The following CELF2 variants were observed in gnomAD, a reference collection of about 807,000 sequenced individuals.
CELF2 encodes the protein CUG triplet repeat RNA-binding protein 2.
CELF2 carries 8 observed loss-of-function variants against 62.6 expected under a neutral mutation model. The observed-to-expected ratio is 0.13, with a 90% CI of 0.07 to 0.23. CELF2 has a LOEUF of 0.23. Among genes scored for constraint, CELF2 ranks in the 10% least tolerant of loss-of-function variants. The probability of loss-of-function intolerance (pLI) is 1.00; values close to 1 mark genes in which losing one functional copy is unlikely to be tolerated. For missense variants in CELF2, 333 were observed against 671.0 expected (o/e 0.50, Z 5.56); for synonymous variants, 258 against 250.0 (o/e 1.03, Z -0.30).
chr10:10,759,371 G>A, the CELF2 span, among the ~76,000 whole-genome samples: 24 of 143,290 alleles, frequency 1.7e-4, no homozygotes, highest in South Asian at 3.3e-3. Context: ...GCACAGTGGC[G>A]TGATCTTGGC....
At chr10:10,782,528 C>T in the CELF2 span, among the ~76,000 whole-genome samples, 35 of 152,290 alleles carry the variant, frequency 2.3e-4, no homozygotes, top group African/African-American at 7.9e-4. Flanking sequence ...TCTGGAAACA[C>T]CCTCACAAAT....
At chr10:10,714,036 A>G in the CELF2 span, among the ~76,000 whole-genome samples, 3 of 152,174 alleles carry the variant, frequency 2.0e-5, no homozygotes, top group East Asian at 5.8e-4. Flanking sequence ...ATCCATCTCA[A>G]AAAAAGAAAA....
At chr10:10,662,757 A>G in the CELF2 span, among the ~76,000 whole-genome samples, 1 of 152,218 alleles carries the variant, frequency 6.6e-6, no homozygotes, top group Admixed American at 6.5e-5. Context: ...GAGCCTTGGA[A>G]TCTACCAGAT....
chr10:11,022,696 AAGAC>A (rs781090808), intron 1 of CELF2, among the ~76,000 whole-genome samples: 8 of 152,228 alleles, frequency 5.3e-5, no homozygotes, highest in South Asian at 2.1e-4. Flanking sequence ...TTAGCATAAA[AAGAC>A]AGGTTACGTT....
chr10:10,936,805 T>A lies in CELF2; in HGVS notation c.89+16806T>A, dbSNP rs1592143945. The A allele has an allele frequency of 6.6e-6, 1 of 152,214 alleles. No homozygotes were observed. The allele number at this position is 152,214 out of a possible 1,614,324, so 9.4% of individuals were successfully genotyped here. On this transcript the variant is annotated intron_variant, in intron 2 of 13. Transcript: ENST00000636488. The surrounding 1 kb of genome is among the most constrained non-coding windows in gnomAD (Gnocchi z 4.0). ...GGTGCTCCTCAAATTTAGGTGGCTATGGAAGTGACCGGAGGATTGTGTTTA... is the reference window on the plus strand; with the variant it reads ...GGTGCTCCTCAAATTTAGGTGGCTAAGGAAGTGACCGGAGGATTGTGTTTA...
the CELF2 span, among the ~76,000 whole-genome samples, chr10:10,690,577 G>A: frequency 6.6e-6 from 1 of 152,234 alleles, no homozygotes; most frequent in Admixed American, 6.5e-5. Flanking sequence ...CAGACCACCT[G>A]CATGCAAAAT....
At chr10:10,571,129 T>C in the CELF2 span, among the ~76,000 whole-genome samples, 1 of 152,014 alleles carries the variant, frequency 6.6e-6, no homozygotes, top group Admixed American at 6.6e-5. Flanking sequence ...CAGAAGCAAA[T>C]GGCAGGCCAG....
chr10:11,288,600 G>C (rs1188693818), intron 9 of CELF2, 48 bp downstream of exon 9: 1 of 1,604,586 alleles, frequency 6.2e-7, no homozygotes, highest in South Asian at 1.1e-5. Flanking sequence ...AGCAGGAGTG[G>C]CAGGTAGGTT....
In CELF2 at chr10:11,297,488, C is replaced by T. The variant is rs2093317314; in HGVS notation, c.976+8936C>T. Among the ~76,000 whole-genome samples, 1 of 151,998 alleles carries T rather than the reference C, an allele frequency of 6.6e-6. No individual in the cohort carries two copies. Among genetic ancestry groups the T allele is most frequent in the Non-Finnish European group, 1.5e-5 (1 of 68,018 alleles). On this transcript the variant is annotated intron_variant, in intron 9 of 12. Coordinates refer to ENST00000633077, the MANE Select transcript of CELF2 (RefSeq NM_001326342.2). The surrounding 1 kb of genome is among the most constrained non-coding windows in gnomAD (Gnocchi z 4.4). ...GATGGAAAGGGAGCTTTCTGGGTAGCACAGTGTCAGGGGAGCCAAGCAGGA... is the reference window on the plus strand; with the variant it reads ...GATGGAAAGGGAGCTTTCTGGGTAGTACAGTGTCAGGGGAGCCAAGCAGGA...
chr10:10,617,949 C>T, the CELF2 span, among the ~76,000 whole-genome samples: 131 of 152,120 alleles, frequency 8.6e-4, 2 homozygotes, highest in African/African-American at 2.9e-3. Flanking sequence ...TAAAAATCCC[C>T]CGGCCGTAAC....
Position 11,217,532 on chromosome 10 carries a change from G to T in CELF2, c.354+25G>T. 1 of 1,528,438 alleles carries T rather than the reference G, an allele frequency of 6.5e-7. No individual in the cohort carries two copies. Among genetic ancestry groups the T allele is most frequent in the Non-Finnish European group, 9.0e-7 (1 of 1,107,066 alleles). The allele number at this position is 1,528,438 out of a possible 1,614,324, so 94.7% of individuals were successfully genotyped here. A position where few individuals can be genotyped will look rare whatever the true frequency, so the allele number is the denominator to read the frequency against. ...GGTGAGTCGGTTTACTTTTGTACCA[G>T]AATCACTTTATTGCTTGAAAATGGT... is the stretch of plus-strand genomic sequence containing the variant. On this transcript the variant is annotated intron_variant, in intron 3 of 12. Transcript: ENST00000633077. The surrounding 1 kb of genome is among the most constrained non-coding windows in gnomAD (Gnocchi z 5.6).
the CELF2 span, among the ~76,000 whole-genome samples, chr10:10,691,230 C>G: frequency 6.6e-6 from 1 of 150,898 alleles, no homozygotes; most frequent in Non-Finnish European, 1.5e-5. Flanking sequence ...TTGTTCAATT[C>G]CCACCTATGA....
chr10:11,026,288 T>G lies in CELF2; in HGVS notation c.74+8125T>G, dbSNP rs113773533. Among the ~76,000 whole-genome samples the G allele has an allele frequency of 8.3e-3, 1,258 of 152,286 alleles. 20 individuals are homozygous for G. The highest frequency in any genetic ancestry group is 0.029 in the African/African-American group (1,195 of 41,548). On this transcript the variant is annotated intron_variant, in intron 1 of 12. Transcript: ENST00000633077. ...TCTAATGGGAGTCCAGCATATAAAC[T>G]GAACACTTAAAAAAGGTGAACGTTA...
At chr10:10,926,613 G>T (rs142892107) in intron 2 of CELF2, among the ~76,000 whole-genome samples, 1 of 152,134 alleles carries the variant, frequency 6.6e-6, no homozygotes, top group Admixed American at 6.5e-5. Context: ...AACTCCAGCC[G>T]TCACGTGGGG....
At chr10:10,729,797 T>G in the CELF2 span, among the ~76,000 whole-genome samples, 1 of 152,028 alleles carries the variant, frequency 6.6e-6, no homozygotes, top group African/African-American at 2.4e-5. Context: ...AAGTTGGTCT[T>G]TTCATCATTG....
At chr10:11,201,737 A>G (rs750045280) in intron 2 of CELF2, among the ~76,000 whole-genome samples, 3 of 152,200 alleles carry the variant, frequency 2.0e-5, no homozygotes, top group Non-Finnish European at 2.9e-5. Flanking sequence ...ACACTGCCCT[A>G]TAGATGACCA....
At position 11,100,232 on chromosome 10, in the gene CELF2, A is replaced by T. The variant is rs528208679; in HGVS notation, c.75-65254A>T. ...ATAAATAAATAAATAAAATAAATAA[A>T]TAAATAAATAAAGTTTATAATTCAT... is the stretch of plus-strand genomic sequence containing the variant. On this transcript the variant is annotated intron_variant, in intron 1 of 12. Transcript: ENST00000633077. 1.1e-4 allele frequency among the ~76,000 whole-genome samples: 16 copies of T among 152,012 alleles called. No homozygotes were observed. The South Asian group carries it at 2.9e-3, about 28-fold the overall frequency.
chr10:10,701,549 C>T, the CELF2 span, among the ~76,000 whole-genome samples: 1 of 152,136 alleles, frequency 6.6e-6, no homozygotes, highest in Non-Finnish European at 1.5e-5. Context: ...ATCCAAATAC[C>T]CGGGGCTCCA....
At chr10:11,096,493 C>T (rs923666255) in intron 1 of CELF2, 2 of 152,146 alleles carry the variant, frequency 1.3e-5, no homozygotes, top group African/African-American at 4.8e-5. Flanking sequence ...TCACTAAAAA[C>T]AAATTAAGTA....
Sources: allele counts gnomAD v4.1 joint callset (sites outside exome capture counted in the v4.1 genomes callset), GRCh38; gene constraint gnomAD v4.1.1; non-coding constraint Gnocchi (gnomAD v3.1); transcripts MANE v1.5; gene names NCBI Gene and HGNC (gene_info 2026-07-23, HGNC 2026-07-21).